The following SPAG17 variants were observed in gnomAD, a reference collection of about 807,000 sequenced individuals.
The protein encoded by SPAG17 is sperm associated antigen 17, also known as sperm-associated antigen 17.
SPAG17 carries 169 observed loss-of-function variants against 273.6 expected under a neutral mutation model. The ratio of observed to expected loss-of-function variants is 0.62; its 90% CI spans 0.55 to 0.70. The LOEUF is 0.70. Ranked by LOEUF, SPAG17 falls within the 30% of genes least tolerant of loss-of-function variation. SPAG17 has a pLI of 0.00. For missense variants in SPAG17, 2,557 were observed against 2,627.8 expected (o/e 0.97, Z 0.59); for synonymous variants, 825 against 873.2 (o/e 0.94, Z 0.97).
At chr1:118,024,133 A>G (rs1233410035) in intron 27 of SPAG17, among the ~76,000 whole-genome samples, 1 of 152,174 alleles carries the variant, frequency 6.6e-6, no homozygotes, top group Non-Finnish European at 1.5e-5. Flanking sequence ...TCTTATTATC[A>G]TTCGGTTGCC....
At chr1:118,170,605 T>A (rs1161458249) in intron 1 of SPAG17, among the ~76,000 whole-genome samples, 2 of 152,194 alleles carry the variant, frequency 1.3e-5, no homozygotes, top group Admixed American at 1.3e-4. Context: ...GAAATAAACA[T>A]CATTTAATAT....
At chr1:118,043,190 A>C (rs1159916729) in intron 20 of SPAG17, among the ~76,000 whole-genome samples, 1 of 152,226 alleles carries the variant, frequency 6.6e-6, no homozygotes, top group African/African-American at 2.4e-5. Flanking sequence ...AGTTTGAAAG[A>C]CTTCCTGAAA....
chr1:117,994,873 C>G (rs773970006), intron 34 of SPAG17, among the ~76,000 whole-genome samples: 1 of 152,068 alleles, frequency 6.6e-6, no homozygotes, highest in Non-Finnish European at 1.5e-5. Flanking sequence ...TCAAAAAGAT[C>G]CTGCTCTAGA....
chr1:118,093,067 T>A (rs1655488436), intron 8 of SPAG17, 89 bp downstream of exon 8: 5 of 1,375,716 alleles, frequency 3.6e-6, no homozygotes, highest in Non-Finnish European at 4.0e-6. Context: ...AGTATTTATG[T>A]AACTTTTTCT....
intron 7 of SPAG17, among the ~76,000 whole-genome samples, chr1:118,097,038 C>T (rs1655755202): frequency 6.6e-6 from 1 of 152,076 alleles, no homozygotes; most frequent in African/African-American, 2.4e-5. Flanking sequence ...AGTTCGAGAC[C>T]AGCCTGGCCA....
In SPAG17 at chr1:117,979,885, T is replaced by C. The variant is rs115574625; in HGVS notation, c.6004+1385A>G. On this transcript the variant is annotated intron_variant, in intron 43 of 48. Transcript: ENST00000336338. ...ATTTTTTTACAATGAGGCCTTCTAATCTCCTAATGGAATGTTGCCCCTCTC... is the reference window on the plus strand; with the variant it reads ...ATTTTTTTACAATGAGGCCTTCTAACCTCCTAATGGAATGTTGCCCCTCTC... Among the ~76,000 whole-genome samples, 172 of 152,338 alleles carry C rather than the reference T, an allele frequency of 1.1e-3. 1 individual carries two copies. The highest frequency in any genetic ancestry group is 2.2e-3 in the Non-Finnish European group (147 of 68,018).
intron 30 of SPAG17, among the ~76,000 whole-genome samples, chr1:118,008,859 T>C (rs1369457307): frequency 1.3e-5 from 2 of 152,200 alleles, no homozygotes; most frequent in African/African-American, 4.8e-5. Context: ...TGTGTGTGTA[T>C]GACTCCCCTT....
intron 3 of SPAG17, among the ~76,000 whole-genome samples, chr1:118,121,390 TC>T (rs1430824016): frequency 1.3e-5 from 2 of 152,102 alleles, no homozygotes; most frequent in Non-Finnish European, 1.5e-5. Flanking sequence ...GGGGGTCCCA[TC>T]CCCTGGTTAG....
chr1:118,047,872 CA>C (rs1467289047), intron 20 of SPAG17, among the ~76,000 whole-genome samples: 1 of 152,168 alleles, frequency 6.6e-6, no homozygotes, highest in African/African-American at 2.4e-5. Context: ...CCTGTGGCAC[CA>C]GGTTTCAGAC....
Position 118,087,116 on chromosome 1 carries a change from G to A in SPAG17, c.1360-108C>T, listed in dbSNP as rs1245410079. 6.3e-6 allele frequency: 8 copies of A among 1,266,794 alleles called. No homozygotes were observed. The Admixed American group carries it at 1.4e-4, about 21-fold the overall frequency. The allele number at this position is 1,266,794 out of a possible 1,614,324, so 78.5% of individuals were successfully genotyped here. Reference sequence around the variant, plus strand: ...CTTAGTAAGAACCAGTCCATTTCTGGGACCCAAGTACCACTGATGACACAA... The same window carrying A: ...CTTAGTAAGAACCAGTCCATTTCTGAGACCCAAGTACCACTGATGACACAA... On this transcript the variant is annotated intron_variant, in intron 10 of 48. Transcript: ENST00000336338.
chr1:118,083,074 C>T (rs1287710179), intron 13 of SPAG17, among the ~76,000 whole-genome samples: 2 of 152,156 alleles, frequency 1.3e-5, no homozygotes, highest in Non-Finnish European at 2.9e-5. Context: ...TCTCCCACCT[C>T]AGCTTCCCAA....
At chr1:117,999,632 G>A (rs1159455497) in intron 32 of SPAG17, among the ~76,000 whole-genome samples, 1 of 152,184 alleles carries the variant, frequency 6.6e-6, no homozygotes, top group Non-Finnish European at 1.5e-5. Context: ...CTTCTTTTGA[G>A]AAGTGTCTGT....
At chr1:118,087,490 A>C (rs540781923) in intron 10 of SPAG17, among the ~76,000 whole-genome samples, 1 of 152,280 alleles carries the variant, frequency 6.6e-6, no homozygotes, top group African/African-American at 2.4e-5. Flanking sequence ...TTTCCATTGT[A>C]TAGAGGAGAA....
intron 28 of SPAG17, among the ~76,000 whole-genome samples, chr1:118,018,656 C>T (rs1014896479): frequency 6.7e-6 from 1 of 148,664 alleles, no homozygotes; most frequent in Non-Finnish European, 1.5e-5. Flanking sequence ...AACATAGTGA[C>T]ACTTCACTGC....
Position 118,150,690 on chromosome 1 carries a change from T to C in SPAG17, c.229-61A>G, listed in dbSNP as rs974714349. On this transcript the variant is annotated intron_variant, in intron 2 of 48. Coordinates refer to ENST00000336338, the MANE Select transcript of SPAG17 (RefSeq NM_206996.4). Reference sequence around the variant, plus strand: ...GCCTTATTTGAAGAATACTTAGATATATGTAACTTTCAAATATCTAGGTGA... The same window carrying C: ...GCCTTATTTGAAGAATACTTAGATACATGTAACTTTCAAATATCTAGGTGA... 3.9e-5 allele frequency: 37 copies of C among 952,546 alleles called. No individual in the cohort carries two copies. The African/African-American group carries it at 5.7e-4, about 15-fold the overall frequency. The allele number at this position is 952,546 out of a possible 1,614,324, so 59.0% of individuals were successfully genotyped here.
chr1:118,007,854 T>C (rs1373746902), intron 31 of SPAG17, among the ~76,000 whole-genome samples, 190 bp downstream of exon 31: 1 of 152,204 alleles, frequency 6.6e-6, no homozygotes, highest in African/African-American at 2.4e-5. Context: ...ACAATGTTTT[T>C]CTGGCATGGG....
At chr1:117,956,989 A>T in intron 48 of SPAG17, 1 of 1,269,696 alleles carries the variant, frequency 7.9e-7, no homozygotes, top group Non-Finnish European at 1.1e-6. Flanking sequence ...AAAAAATAAT[A>T]AAGGGAAGGA....
intron 22 of SPAG17, among the ~76,000 whole-genome samples, chr1:118,040,063 G>A (rs563139752): frequency 6.4e-4 from 97 of 152,210 alleles, no homozygotes; most frequent in Admixed American, 1.5e-3. Context: ...TAAAAATTAT[G>A]TTATAGTAGC....
chr1:118,077,852 C>T (rs1557993385), intron 15 of SPAG17, among the ~76,000 whole-genome samples: 1 of 152,160 alleles, frequency 6.6e-6, no homozygotes, highest in Non-Finnish European at 1.5e-5. Context: ...TTAGCTGCAT[C>T]ACCAGGAATT....
Sources: gnomAD v4.1 joint callset for allele counts (sites outside exome capture counted in the v4.1 genomes callset) on GRCh38, gnomAD v4.1.1 for gene constraint, MANE v1.5 for transcripts, NCBI Gene and HGNC (gene_info 2026-07-23, HGNC 2026-07-21) for gene names.